The following TASOR variants were observed in gnomAD, a reference collection of about 807,000 sequenced individuals.
TASOR encodes transcription activation suppressor.
A neutral mutation model predicts 178.6 loss-of-function variants in TASOR; 53 were observed. That is an observed-to-expected ratio of 0.30 (90% CI 0.24 to 0.37). The LOEUF (loss-of-function observed/expected upper bound fraction) is 0.37. Ranked by LOEUF, TASOR falls within the 10% of genes least tolerant of loss-of-function variation. The pLI is 1.00. For missense variants in TASOR, 1,815 were observed against 1,971.4 expected (o/e 0.92, Z 1.50); for synonymous variants, 713 against 696.2 (o/e 1.02, Z -0.38).
chr3:56,676,182 C>T (rs1578303485), intron 1 of TASOR, among the ~76,000 whole-genome samples: 1 of 152,308 alleles, frequency 6.6e-6, no homozygotes, highest in East Asian at 1.9e-4. Context: ...TCGTGTTTCC[C>T]ACATCCCAGT....
chr3:56,672,169 C>T (rs923016851), intron 2 of TASOR, among the ~76,000 whole-genome samples: 13 of 152,136 alleles, frequency 8.5e-5, no homozygotes, highest in African/African-American at 3.1e-4. Flanking sequence ...GGAAGAGTGA[C>T]TTTTTCTAAC....
chr3:56,666,601 T>G (rs977312091), intron 6 of TASOR, among the ~76,000 whole-genome samples: 1 of 152,186 alleles, frequency 6.6e-6, no homozygotes, highest in Non-Finnish European at 1.5e-5. Flanking sequence ...TCCCAGAGTA[T>G]TACTAACTAT....
intron 17 of TASOR, among the ~76,000 whole-genome samples, chr3:56,634,368 A>G (rs1217605670): frequency 6.6e-6 from 1 of 152,252 alleles, no homozygotes; most frequent in Non-Finnish European, 1.5e-5. Context: ...CTACTATGGT[A>G]ATGGCCCCTT....
At chr3:56,651,208 A>G (rs1466883485) in intron 11 of TASOR, among the ~76,000 whole-genome samples, 1 of 152,142 alleles carries the variant, frequency 6.6e-6, no homozygotes, top group Non-Finnish European at 1.5e-5. Flanking sequence ...AACTCTGCAG[A>G]AAAGAAAAAT....
At chr3:56,657,314 A>G (rs2077493627) in intron 11 of TASOR, among the ~76,000 whole-genome samples, 1 of 150,806 alleles carries the variant, frequency 6.6e-6, no homozygotes, top group Non-Finnish European at 1.5e-5. Context: ...GCAACAGAGC[A>G]AGGCTCTGTC....
At position 56,641,584 on chromosome 3, in the gene TASOR, T is replaced by C. The variant is rs199785939; in HGVS notation, c.2384A>G (p.Lys795Arg). The C allele has an allele frequency of 1.2e-4, 193 of 1,614,194 alleles. No homozygotes were observed. The Middle Eastern group carries it at 1.3e-3, about 11-fold the overall frequency. ...SDASLTDTVNKALGLSTDDAY... is the reference protein window; with the variant it reads ...SDASLTDTVNRALGLSTDDAY... ...ATCATCAGTGCTCAATCCTAAGGCTTTGTTGACTGTGTCTGTCAGAGATGC... is the reference window on the plus strand; with the variant it reads ...ATCATCAGTGCTCAATCCTAAGGCTCTGTTGACTGTGTCTGTCAGAGATGC... Residue 795 changes from lysine to arginine, a missense_variant, in exon 15 of 24, where the codon AAA becomes AGA. By Grantham distance (26) the Lys-to-Arg change is conservative. Around this residue, in one of 5 missense-constraint regions of TASOR, gnomAD observed 655 missense variants for 671.1 expected, o/e 0.98. Coordinates refer to ENST00000683822, the MANE Select transcript of TASOR (RefSeq NM_001365635.2).
rs2031915972 is a variant in TASOR, at chr3:56,682,706, G to C, written c.301C>G (p.Gln101Glu). The C allele has an allele frequency of 2.7e-6, 4 of 1,484,478 alleles. No individual in the cohort carries two copies. Among genetic ancestry groups the C allele is most frequent in the Non-Finnish European group, 2.7e-6 (3 of 1,114,882 alleles). 92.0% of individuals were successfully genotyped at this position (1,484,478 alleles called of 1,614,324 possible). A position where few individuals can be genotyped will look rare whatever the true frequency, so the allele number is the denominator to read the frequency against. ...TTTTCTCTGCTCTTCCTGGGGATCT[G>C]AAAACTCCTCCTAACAGGCCTTTCG... ...EPERPVRRSF[Q>E]IPRKSREKKA... The change falls in exon 1 of 24, where the codon CAG becomes GAG. Residue 101 changes from glutamine to glutamate, a missense_variant. Physicochemically the swap from Gln to Glu is conservative, Grantham distance 29. Coordinates refer to ENST00000683822, the MANE Select transcript of TASOR (RefSeq NM_001365635.2).
At chr3:56,653,421 T>C (rs2077399615) in intron 11 of TASOR, among the ~76,000 whole-genome samples, 1 of 150,234 alleles carries the variant, frequency 6.7e-6, no homozygotes, top group Non-Finnish European at 1.5e-5. Context: ...AATCTACACC[T>C]AGATACTGTA....
At chr3:56,669,400 G>T (rs1490932873) in intron 5 of TASOR, among the ~76,000 whole-genome samples, 2 of 152,128 alleles carry the variant, frequency 1.3e-5, no homozygotes, top group South Asian at 2.1e-4. Context: ...CTACTTGGGA[G>T]GTTGAAGCAG....
chr3:56,637,585 CT>C (rs55907625), intron 17 of TASOR, among the ~76,000 whole-genome samples: 34 of 146,704 alleles, frequency 2.3e-4, no homozygotes, highest in South Asian at 2.1e-4. Flanking sequence ...TTCATGGTTT[CT>C]TTTTTTTTTT....
chr3:56,673,775 A>C, intron 1 of TASOR, 50 bp from the exon 2 acceptor site: 1 of 1,429,612 alleles, frequency 7.0e-7, no homozygotes, highest in East Asian at 2.6e-5. Flanking sequence ...CTCCATCTTA[A>C]ATATAGCTTT....
chr3:56,669,050 GAA>G (rs11352670), intron 5 of TASOR, among the ~76,000 whole-genome samples: 1,944 of 142,282 alleles, frequency 0.014, 49 homozygotes, highest in African/African-American at 0.045. Flanking sequence ...ATCACTAAAA[GAA>G]AAAAAAAAAA....
chr3:56,648,164 A>G (rs2077274855), intron 13 of TASOR, among the ~76,000 whole-genome samples: 1 of 152,126 alleles, frequency 6.6e-6, no homozygotes, highest in South Asian at 2.1e-4. Context: ...GTAGTGAGCC[A>G]TGATCGCACC....
intron 5 of TASOR, among the ~76,000 whole-genome samples, chr3:56,669,470 T>G (rs1432198307): frequency 6.6e-6 from 1 of 151,892 alleles, no homozygotes; most frequent in Non-Finnish European, 1.5e-5. Context: ...GCCACTGCAC[T>G]CCATCCAGCC....
intron 6 of TASOR, among the ~76,000 whole-genome samples, chr3:56,666,790 C>T (rs1012691635): frequency 5.3e-5 from 8 of 152,162 alleles, no homozygotes; most frequent in African/African-American, 1.9e-4. Flanking sequence ...GAAAAACACA[C>T]CTGGGCTCCA....
chr3:56,629,489 TTA>T (rs781516789), intron 18 of TASOR, among the ~76,000 whole-genome samples: 61 of 152,276 alleles, frequency 4.0e-4, no homozygotes, highest in Admixed American at 1.6e-3. Context: ...AAAAAAGCAT[TTA>T]TATAGAGCTT....
intron 1 of TASOR, among the ~76,000 whole-genome samples, chr3:56,679,008 C>CAAA (rs5849163): frequency 8.6e-6 from 1 of 116,792 alleles, no homozygotes; most frequent in Non-Finnish European, 1.9e-5. Flanking sequence ...GCTCTGACTC[C>CAAA]AAAAAAAAAA....
chr3:56,676,214 C>G (rs1219861188), intron 1 of TASOR, among the ~76,000 whole-genome samples: 1 of 152,140 alleles, frequency 6.6e-6, no homozygotes, highest in South Asian at 2.1e-4. Flanking sequence ...TGAGTGCCAG[C>G]CCTAAATATA....
intron 14 of TASOR, among the ~76,000 whole-genome samples, chr3:56,645,039 C>T (rs906018364): frequency 2.0e-5 from 3 of 152,010 alleles, no homozygotes; most frequent in Admixed American, 6.6e-5. Context: ...TTTGGGAGGC[C>T]GAGGCAGACA....
Sources: gnomAD v4.1 joint callset for allele counts (sites outside exome capture counted in the v4.1 genomes callset) on GRCh38, gnomAD v4.1.1 for gene constraint, gnomAD v4.1.1 regional missense constraint, MANE v1.5 for transcripts, NCBI Gene and HGNC (gene_info 2026-07-23, HGNC 2026-07-21) for gene names.